The following PCGF5 variants were observed in gnomAD, a reference collection of about 807,000 sequenced individuals.
PCGF5 encodes polycomb group RING finger protein 5.
Under a neutral mutation model 44.3 loss-of-function variants are expected in PCGF5, and 9 were observed. The observed-to-expected ratio is 0.20, with a 90% CI of 0.12 to 0.35. PCGF5 has a LOEUF of 0.35. Among genes scored for constraint, PCGF5 ranks in the 10% least tolerant of loss-of-function variants. PCGF5 has a pLI of 1.00. For missense variants in PCGF5, 146 were observed against 305.3 expected (o/e 0.48, Z 3.89); for synonymous variants, 95 against 102.5 (o/e 0.93, Z 0.44).
At chr10:91,255,621 A>G (rs1256907190) in intron 6 of PCGF5, among the ~76,000 whole-genome samples, 1 of 152,140 alleles carries the variant, frequency 6.6e-6, no homozygotes, top group Non-Finnish European at 1.5e-5. Context: ...AGAAACTTTC[A>G]TGACTACATA....
Position 91,240,476 on chromosome 10 carries a change from C to G in PCGF5, c.113-8C>G. On this transcript the variant is annotated splice_polypyrimidine_tract_variant and splice_region_variant and intron_variant, in intron 2 of 9. Transcript: ENST00000336126. ...TGCGTTTTAACCTAACATCTTCTTT[C>G]TTCTTAGTCTGTAAGACTTGTATTG... 2 of 1,591,362 alleles carry G rather than the reference C, an allele frequency of 1.3e-6. No homozygotes were observed. Among genetic ancestry groups the G allele is most frequent in the African/African-American group, 1.3e-5 (1 of 74,338 alleles).
At chr10:91,253,680 C>T (rs1373889235) in intron 6 of PCGF5, among the ~76,000 whole-genome samples, 2 of 152,032 alleles carry the variant, frequency 1.3e-5, no homozygotes, top group East Asian at 3.9e-4. Context: ...TAGTGCTGCT[C>T]ACCCTTATAT....
rs1449714466 is a variant in PCGF5, at chr10:91,261,426, T to C, written c.573+2T>C. The C allele has an allele frequency of 6.9e-7, 1 of 1,441,536 alleles. No homozygotes were observed. 89.3% of individuals were successfully genotyped at this position (1,441,536 alleles called of 1,614,324 possible). ...CTAAAACTTCCAAGTTCTTATGAGG[T>C]AAGTTAAATAATATCTAAGCTTGAT... On this transcript the variant is annotated splice_donor_variant, in intron 7 of 9. Coordinates refer to ENST00000336126, the MANE Select transcript of PCGF5 (RefSeq NM_032373.5). LOFTEE classifies it high-confidence loss of function.
chr10:91,237,742 TAA>T (rs11402069), intron 2 of PCGF5, among the ~76,000 whole-genome samples: 2 of 143,850 alleles, frequency 1.4e-5, no homozygotes, highest in Non-Finnish European at 1.5e-5. Flanking sequence ...AGAATCCATC[TAA>T]AAAAAAAAAA....
intron 1 of PCGF5, among the ~76,000 whole-genome samples, chr10:91,166,085 C>T (rs1479054455): frequency 1.3e-5 from 2 of 152,142 alleles, no homozygotes; most frequent in Non-Finnish European, 2.9e-5. Context: ...TTTAATCAAT[C>T]CCTTCACTAA....
In PCGF5 at chr10:91,211,166, C is replaced by A. The variant is rs1029929984; in HGVS notation, c.-183-11523C>A. 7.9e-4 allele frequency among the ~76,000 whole-genome samples: 120 copies of A among 152,176 alleles called. 1 individual carries two copies. The highest frequency in any genetic ancestry group is 2.7e-3 in the African/African-American group (111 of 41,430). On this transcript the variant is annotated intron_variant, in intron 1 of 9. Transcript: ENST00000614189. ...TAAATTCCTCATTAGATTTCCAATG[C>A]TATGTTTGAACATTGCTTGAATGTC...
intron 2 of PCGF5, among the ~76,000 whole-genome samples, chr10:91,238,353 T>C (rs2133337976): frequency 6.6e-6 from 1 of 152,282 alleles, no homozygotes; most frequent in Admixed American, 6.5e-5. Flanking sequence ...CCTACAACTC[T>C]TTCATGAGCA....
At position 91,222,788 on chromosome 10, in the gene PCGF5, C is replaced by T; in HGVS notation, c.-84C>T. 1 of 746,048 alleles carries T rather than the reference C, an allele frequency of 1.3e-6. No individual in the cohort carries two copies. Among genetic ancestry groups the T allele is most frequent in the South Asian group, 1.7e-5 (1 of 58,848 alleles). The allele number at this position is 746,048 out of a possible 1,614,324, so 46.2% of individuals were successfully genotyped here. ...CCTCAGGACATCCTACTGGGAACGA[C>T]ACACCAGCTCCTGGGATCAGACTTT... On this transcript the variant is annotated 5_prime_UTR_variant, in exon 2 of 10. Coordinates refer to ENST00000336126, the MANE Select transcript of PCGF5 (RefSeq NM_032373.5).
intron 1 of PCGF5, among the ~76,000 whole-genome samples, chr10:91,186,839 A>G (rs1446110646): frequency 6.6e-6 from 1 of 152,138 alleles, no homozygotes; most frequent in Non-Finnish European, 1.5e-5. Context: ...CTTTACATTT[A>G]TATACATTTA....
intron 3 of PCGF5, among the ~76,000 whole-genome samples, chr10:91,243,788 A>C (rs1845388480): frequency 6.6e-6 from 1 of 152,220 alleles, no homozygotes; most frequent in Non-Finnish European, 1.5e-5. Flanking sequence ...AGATATTTTA[A>C]TATATAGCAA....
At chr10:91,198,908 G>T (rs1207125991) in intron 1 of PCGF5, among the ~76,000 whole-genome samples, 1 of 152,136 alleles carries the variant, frequency 6.6e-6, no homozygotes. Context: ...GGCCATTCTT[G>T]TTCTCCTCCT....
intron 2 of PCGF5, among the ~76,000 whole-genome samples, chr10:91,223,626 T>A (rs901924815): frequency 1.3e-5 from 2 of 152,264 alleles, no homozygotes; most frequent in Admixed American, 1.3e-4. Flanking sequence ...CTGCCACTTA[T>A]GCCAAGATTA....
At chr10:91,261,162 T>A (rs1411492547) in intron 6 of PCGF5, among the ~76,000 whole-genome samples, 164 bp from the exon 7 acceptor site, 2 of 152,218 alleles carry the variant, frequency 1.3e-5, no homozygotes, top group Non-Finnish European at 2.9e-5. Flanking sequence ...ATTAGGAATA[T>A]TTTTACTCGC....
intron 1 of PCGF5, among the ~76,000 whole-genome samples, chr10:91,163,355 G>T (rs1366334029): frequency 2.0e-5 from 3 of 151,686 alleles, no homozygotes; most frequent in South Asian, 4.1e-4. Context: ...GGAGGGCCCC[G>T]AGGAACTTTC....
At chr10:91,179,611 G>T (rs966499906) in intron 1 of PCGF5, among the ~76,000 whole-genome samples, 5 of 152,154 alleles carry the variant, frequency 3.3e-5, no homozygotes, top group Non-Finnish European at 7.3e-5. Context: ...TTGGTATTCT[G>T]TTCCTGTGTT....
intron 2 of PCGF5, among the ~76,000 whole-genome samples, chr10:91,232,744 A>T (rs1845045806): frequency 6.6e-6 from 1 of 151,136 alleles, no homozygotes; most frequent in Admixed American, 6.6e-5. Flanking sequence ...TGTTTCAGTT[A>T]TTTTATTGCC....
rs76998283 is a variant in PCGF5 at position 91,172,695 on chromosome 10, C to A, written c.-184+9614C>A. Among the ~76,000 whole-genome samples the A allele has an allele frequency of 5.8e-3, 890 of 152,252 alleles. 5 individuals carry two copies. Among genetic ancestry groups the A allele is most frequent in the African/African-American group, 0.02 (821 of 41,538 alleles). ...GAGTACTCATAACTTTTGTGTTTGC[C>A]CCCAAGTTAAACTAACCTTTGTGGC... On this transcript the variant is annotated intron_variant, in intron 1 of 9. Transcript: ENST00000614189.
upstream of PCGF5, chr10:91,220,519 C>A (rs1014096310): frequency 6.6e-6 from 1 of 151,952 alleles, no homozygotes; most frequent in Non-Finnish European, 1.5e-5. Flanking sequence ...AGGCGGCAGG[C>A]GCGGCCTCCG....
Position 91,248,549 on chromosome 10 carries a change from G to A in PCGF5, c.254G>A (p.Gly85Glu). The A allele has an allele frequency of 6.2e-7, 1 of 1,613,002 alleles. No homozygotes were observed. The highest frequency in any genetic ancestry group is 2.2e-5 in the East Asian group (1 of 44,834). The change falls in exon 4 of 10, where the codon GGA becomes GAA. Residue 85 changes from glycine (G) to glutamate (E), a missense_variant. Transcript: ENST00000336126. ...LEEIIFKLVP[G>E]LREQELERES... Reference sequence around the variant, plus strand: ...GAAATTATATTTAAGCTGGTCCCTGGACTACGAGAACGTAAGTGGCTCTTT... The same window carrying A: ...GAAATTATATTTAAGCTGGTCCCTGAACTACGAGAACGTAAGTGGCTCTTT...
Sources: gnomAD v4.1 joint callset for allele counts (sites outside exome capture counted in the v4.1 genomes callset) on GRCh38, gnomAD v4.1.1 for gene constraint, MANE v1.5 for transcripts, NCBI Gene and HGNC (gene_info 2026-07-23, HGNC 2026-07-21) for gene names.